The following LAMA4 variants were observed in gnomAD, a reference collection of about 807,000 sequenced individuals.
LAMA4 encodes laminin subunit alpha-4.
Under a neutral mutation model 207.1 loss-of-function variants are expected in LAMA4, and 127 were observed. That is an observed-to-expected ratio of 0.61 (90% CI 0.53 to 0.71). The LOEUF (loss-of-function observed/expected upper bound fraction) is 0.71, where lower values mean the gene tolerates loss of function less well. LAMA4 is among the 30% of genes least tolerant of loss of function. LAMA4 has a pLI of 0.00. For synonymous variants in LAMA4, 761 were observed against 816.0 expected, an observed-to-expected ratio of 0.93 and a Z score of 1.15; for missense variants, 2,093 against 2,246.5, an observed-to-expected ratio of 0.93 and a Z score of 1.38.
intron 30 of LAMA4, among the ~76,000 whole-genome samples, chr6:112,129,468 A>G (rs978966907): frequency 2.9e-4 from 44 of 152,156 alleles, no homozygotes; most frequent in Admixed American, 5.2e-4. Context: ...GCATTAAATT[A>G]AGAGTTTTGT....
Position 112,187,507 on chromosome 6 carries a change from AG to A in LAMA4, c.908del (p.Ser303LeufsTer9), listed in dbSNP as rs1554347124. Reference sequence around the variant, plus strand: ...TCACGTGCCTATGAGCGGCGGCCCCAGAGGATACGCTCAGCACCCCGGATTT... The same window carrying A: ...TCACGTGCCTATGAGCGGCGGCCCCAAGGATACGCTCAGCACCCCGGATTT... Reference protein sequence around the residue: ...EGKSGVLSVSSGAAAHRHVNE... With the variant: ...EGKSGVLSVSXGAAAHRHVNE... On this transcript the variant is annotated frameshift_variant, in exon 8 of 39. Coordinates refer to ENST00000230538, the MANE Select transcript of LAMA4 (RefSeq NM_001105206.3). LOFTEE classifies it high-confidence loss of function. 6.2e-7 allele frequency: 1 copy of A among 1,614,012 alleles called. No homozygotes were observed. Among genetic ancestry groups the A allele is most frequent in the Non-Finnish European group, 8.5e-7 (1 of 1,180,010 alleles).
chr6:112,251,857 A>G (rs1399070060), intron 2 of LAMA4, among the ~76,000 whole-genome samples: 2 of 152,198 alleles, frequency 1.3e-5, no homozygotes, highest in African/African-American at 4.8e-5. Flanking sequence ...TCTGTTTTTC[A>G]AAACTGAAGG....
chr6:112,143,893 A>G (rs1192411962), intron 19 of LAMA4, among the ~76,000 whole-genome samples: 1 of 152,212 alleles, frequency 6.6e-6, no homozygotes, highest in Non-Finnish European at 1.5e-5. Flanking sequence ...TGGGGCATCT[A>G]AATAAGGTAA....
At chr6:112,171,886 C>T (rs1198977569) in intron 12 of LAMA4, 3 of 152,310 alleles carry the variant, frequency 2.0e-5, no homozygotes, top group East Asian at 3.9e-4. Context: ...AGTACATAAC[C>T]GAATTCGTGA....
chr6:112,145,227 G>A (rs1260289604), intron 18 of LAMA4, among the ~76,000 whole-genome samples: 1 of 152,234 alleles, frequency 6.6e-6, no homozygotes, highest in Non-Finnish European at 1.5e-5. Context: ...ACTATTGTTT[G>A]AAAATGTATA....
At position 112,191,492 on chromosome 6, in the gene LAMA4, A is replaced by G. The variant is rs553314334; in HGVS notation, c.718+144T>C. On this transcript the variant is annotated intron_variant, in intron 6 of 38. Transcript: ENST00000230538. ...TCTATCCCTGATGGGTTTGGGATGC[A>G]TATTCCTGAGAATGTACATTGCCCT... 12 of 696,110 alleles carry G rather than the reference A, an allele frequency of 1.7e-5. No individual in the cohort carries two copies. In the South Asian group the frequency reaches 1.8e-4, roughly 10 times the overall value. 43.1% of individuals were successfully genotyped at this position (696,110 alleles called of 1,614,324 possible).
chr6:112,207,500 G>T (rs184709741), intron 3 of LAMA4, among the ~76,000 whole-genome samples: 1 of 139,824 alleles, frequency 7.2e-6, no homozygotes, highest in South Asian at 2.1e-4. Context: ...TATTGACTTC[G>T]AATGAATATG....
intron 2 of LAMA4, among the ~76,000 whole-genome samples, chr6:112,247,094 C>A (rs782594310): frequency 6.6e-6 from 1 of 150,706 alleles, no homozygotes; most frequent in South Asian, 2.1e-4. Flanking sequence ...TAGACAGAGG[C>A]AGAGAGTGGA....
At chr6:112,238,824 G>A (rs782755535) in intron 2 of LAMA4, among the ~76,000 whole-genome samples, 10 of 152,156 alleles carry the variant, frequency 6.6e-5, no homozygotes, top group Non-Finnish European at 1.2e-4. Flanking sequence ...GCAATTACAC[G>A]CACTATCTTA....
chr6:112,141,264 G>C, intron 21 of LAMA4, 94 bp downstream of exon 21: 1 of 1,135,664 alleles, frequency 8.8e-7, no homozygotes, highest in South Asian at 1.2e-5. Context: ...CAGGAAGACT[G>C]TGTATGTGTG....
rs1777546148 is a variant in LAMA4, at chr6:112,108,777, TTTTTC to T, written c.*655_*659del. 6.6e-6 allele frequency: 1 copy of T among 152,412 alleles called. No homozygotes were observed. The highest frequency in any genetic ancestry group is 2.4e-5 in the African/African-American group (1 of 41,460). 9.4% of individuals were successfully genotyped at this position (152,412 alleles called of 1,614,324 possible). On this transcript the variant is annotated 3_prime_UTR_variant, in exon 39 of 39. Coordinates refer to ENST00000230538, the MANE Select transcript of LAMA4 (RefSeq NM_001105206.3). ...AAGCCTCCTCTCATGTACAATTTTA[TTTTTC>T]TTTTAAGGAGATAAGGAAGGGGAAA... is the stretch of plus-strand genomic sequence containing the variant.
At chr6:112,241,626 T>C (rs938656680) in intron 2 of LAMA4, among the ~76,000 whole-genome samples, 1 of 152,158 alleles carries the variant, frequency 6.6e-6, no homozygotes, top group Non-Finnish European at 1.5e-5. Context: ...GGGGTTGTTA[T>C]GAAGAATAAA....
chr6:112,239,460 A>G (rs73764724), intron 2 of LAMA4, among the ~76,000 whole-genome samples: 4,257 of 152,248 alleles, frequency 0.028, 198 homozygotes, highest in African/African-American at 0.096. Flanking sequence ...ATTTTAAAAC[A>G]TGAGGCTAGA....
chr6:112,207,282 A>T, intron 3 of LAMA4, 137 bp from the exon 4 acceptor site: 1 of 932,646 alleles, frequency 1.1e-6, no homozygotes, highest in Non-Finnish European at 1.7e-6. Flanking sequence ...GGCAGTACAG[A>T]TTAGCATGAG....
chr6:112,231,309 A>G (rs931739531), intron 2 of LAMA4, among the ~76,000 whole-genome samples: 2 of 152,052 alleles, frequency 1.3e-5, no homozygotes, highest in African/African-American at 4.8e-5. Flanking sequence ...GACCTCTCTT[A>G]AGCAAACTCA....
chr6:112,187,326 C>T (rs1328061444), intron 8 of LAMA4, 124 bp downstream of exon 8: 21 of 1,070,920 alleles, frequency 2.0e-5, no homozygotes, highest in Non-Finnish European at 2.9e-5. Context: ...GTTAGACCTA[C>T]AGGTCTAACA....
chr6:112,179,804 G>C (rs1422537330), intron 9 of LAMA4: 1 of 411,622 alleles, frequency 2.4e-6, no homozygotes, highest in African/African-American at 2.1e-5. Flanking sequence ...TACAGAGCAA[G>C]GCTCCTGTAG....
At chr6:112,187,716 A>T in intron 7 of LAMA4, 115 bp from the exon 8 acceptor site, 1 of 1,045,858 alleles carries the variant, frequency 9.6e-7, no homozygotes, top group Non-Finnish European at 1.4e-6. Context: ...TTTTTGTCTC[A>T]TGAAGAGCTG....
At chr6:112,138,887 A>G (rs1284473978) in intron 24 of LAMA4, among the ~76,000 whole-genome samples, 2 of 152,168 alleles carry the variant, frequency 1.3e-5, no homozygotes, top group African/African-American at 4.8e-5. Flanking sequence ...ATTTCCTCAA[A>G]GTTCTCTTAG....
Sources: allele counts gnomAD v4.1 joint callset (sites outside exome capture counted in the v4.1 genomes callset), GRCh38; gene constraint gnomAD v4.1.1; transcripts MANE v1.5; gene names NCBI Gene and HGNC (gene_info 2026-07-23, HGNC 2026-07-21).